The following ERBB4 variants were observed in gnomAD, a reference collection of about 807,000 sequenced individuals.
The protein encoded by ERBB4 is receptor tyrosine-protein kinase erbB-4.
Under a neutral mutation model 158.0 loss-of-function variants are expected in ERBB4, and 42 were observed. The observed-to-expected ratio is 0.27, with a 90% CI of 0.21 to 0.34. ERBB4 has a LOEUF of 0.34. Among genes scored for constraint, ERBB4 ranks in the 10% least tolerant of loss-of-function variants. The probability of loss-of-function intolerance (pLI) is 1.00; values close to 1 mark genes in which losing one functional copy is unlikely to be tolerated. For missense variants in ERBB4, 1,333 were observed against 1,624.1 expected, an observed-to-expected ratio of 0.82 and a Z score of 3.08; for synonymous variants, 583 against 558.7, an observed-to-expected ratio of 1.04 and a Z score of -0.61.
rs565444038 is a variant in ERBB4 at position 212,264,023 on chromosome 2, A to G, written c.83-139120T>C. On this transcript the variant is annotated intron_variant, in intron 1 of 27. Coordinates refer to ENST00000342788, the MANE Select transcript of ERBB4 (RefSeq NM_005235.3). ...GTGTACAACTTTTTCTTTGCTTACT[A>G]TGCCTGGAATAGTGCTGGAAATCTC... Among the ~76,000 whole-genome samples, 15 of 152,200 alleles carry G rather than the reference A, an allele frequency of 9.9e-5. No individual in the cohort carries two copies. In the South Asian group the frequency reaches 2.9e-3, roughly 29 times the overall value.
At chr2:211,826,716 T>C (rs1252063395) in intron 3 of ERBB4, among the ~76,000 whole-genome samples, 2 of 151,994 alleles carry the variant, frequency 1.3e-5, no homozygotes, top group Non-Finnish European at 2.9e-5. Context: ...GGTACTACCC[T>C]GATAGCCACA....
At position 211,857,159 on chromosome 2, in the gene ERBB4, T is replaced by G. The variant is rs73989210; in HGVS notation, c.422-69000A>C. 5.7e-3 allele frequency among the ~76,000 whole-genome samples: 615 copies of G among 107,112 alleles called. 4 individuals carry two copies. Among genetic ancestry groups the G allele is most frequent in the African/African-American group, 0.018 (583 of 32,292 alleles). The allele number at this position is 107,112 out of a possible 152,430, so 70.3% of individuals were successfully genotyped here. A position where few individuals can be genotyped will look rare whatever the true frequency, so the allele number is the denominator to read the frequency against. ...ACTCTGTGTATATCTCTGTGTGTGTTTGTGTGTGTGTGTGTGTTTGTGTGT... is the reference window on the plus strand; with the variant it reads ...ACTCTGTGTATATCTCTGTGTGTGTGTGTGTGTGTGTGTGTGTTTGTGTGT... On this transcript the variant is annotated intron_variant, in intron 3 of 27. Transcript: ENST00000342788.
rs751669855 is a variant in ERBB4, at chr2:211,725,161, C to A, written c.656G>T (p.Gly219Val). Residue 219 changes from glycine (G) to valine (V), a missense_variant, in exon 6 of 28, where the codon GGC becomes GTC. Coordinates refer to ENST00000342788, the MANE Select transcript of ERBB4 (RefSeq NM_005235.3). The stretch of plus-strand genomic sequence containing the variant: ...ACTGACGTAAGGTCCGTAGCATCTG[C>A]CGTCACATTGTTCTGCACACACCGT... ...TRTVCAEQCD[G>V]RCYGPYVSDC... 1 of 1,613,938 alleles carries A rather than the reference C, an allele frequency of 6.2e-7. No individual in the cohort carries two copies. Among genetic ancestry groups the A allele is most frequent in the South Asian group, 1.1e-5 (1 of 91,058 alleles).
chr2:212,537,854 G>C (rs1308413404), intron 1 of ERBB4, among the ~76,000 whole-genome samples: 1 of 151,916 alleles, frequency 6.6e-6, no homozygotes, highest in Non-Finnish European at 1.5e-5. Flanking sequence ...TCCGGGCCCC[G>C]GACCGAGGCG....
chr2:211,387,217 T>C (rs939321118), intron 26 of ERBB4, 67 bp from the exon 27 acceptor site: 1 of 1,231,524 alleles, frequency 8.1e-7, no homozygotes, highest in South Asian at 1.2e-5. Flanking sequence ...TGAATGTTAA[T>C]AGCCACAAGG....
intron 1 of ERBB4, among the ~76,000 whole-genome samples, chr2:212,527,391 C>G (rs1692506931): frequency 2.0e-5 from 3 of 152,026 alleles, no homozygotes; most frequent in Admixed American, 2.0e-4. Context: ...TAATAATTTT[C>G]TTCCAGAGCA....
At chr2:212,524,330 C>A (rs1462364930) in intron 1 of ERBB4, among the ~76,000 whole-genome samples, 3 of 151,914 alleles carry the variant, frequency 2.0e-5, no homozygotes, top group Non-Finnish European at 4.4e-5. Context: ...TAGTGACCTC[C>A]AGGGATAGTC....
At chr2:211,478,973 C>T (rs2065021991) in intron 20 of ERBB4, among the ~76,000 whole-genome samples, 1 of 152,162 alleles carries the variant, frequency 6.6e-6, no homozygotes. Flanking sequence ...TCACTTTTTA[C>T]TTATCCTTCA....
intron 1 of ERBB4, among the ~76,000 whole-genome samples, chr2:212,210,543 A>G (rs1039688673): frequency 2.6e-5 from 4 of 152,116 alleles, no homozygotes; most frequent in African/African-American, 7.2e-5. Context: ...ATATCCATCA[A>G]TCAGAGAAAT....
rs1321184118 is a variant in ERBB4 at position 211,524,896 on chromosome 2, A to G, written c.2487+37007T>C. The stretch of plus-strand genomic sequence containing the variant: ...GAGCCCAGGCAGAGGAGGCGCTGAG[A>G]GCGAGCGAGGGCTGTAAGGACTGCC... On this transcript the variant is annotated intron_variant, in intron 20 of 27. Coordinates refer to ENST00000342788, the MANE Select transcript of ERBB4 (RefSeq NM_005235.3). Among the ~76,000 whole-genome samples, 18 of 152,278 alleles carry G rather than the reference A, an allele frequency of 1.2e-4. No individual in the cohort carries two copies. The East Asian group carries it at 3.5e-3, about 30-fold the overall frequency.
chr2:212,143,139 A>G (rs2080542073), intron 1 of ERBB4, among the ~76,000 whole-genome samples: 1 of 152,156 alleles, frequency 6.6e-6, no homozygotes, highest in South Asian at 2.1e-4. Flanking sequence ...AACTTTAAAA[A>G]TATCTCATTG....
At chr2:212,313,183 CAT>C (rs1204714653) in intron 1 of ERBB4, among the ~76,000 whole-genome samples, 3 of 150,670 alleles carry the variant, frequency 2.0e-5, no homozygotes, top group African/African-American at 7.3e-5. Context: ...CAGTCTATAA[CAT>C]ATTTTTGTTA....
At chr2:211,691,083 T>C (rs1184933220) in intron 12 of ERBB4, among the ~76,000 whole-genome samples, 2 of 152,182 alleles carry the variant, frequency 1.3e-5, no homozygotes, top group Non-Finnish European at 2.9e-5. Context: ...ACAGATTATT[T>C]CAAAAATATT....
rs557865891 is a variant in ERBB4, at chr2:212,006,702, G to T, written c.235-59086C>A. On this transcript the variant is annotated intron_variant, in intron 2 of 27. Transcript: ENST00000342788. ...ATCAATATACCAGGTTTCAGATCAT[G>T]ATAAGTATACCAAATTTCTATAGAT... Among the ~76,000 whole-genome samples, 11 of 152,074 alleles carry T rather than the reference G, an allele frequency of 7.2e-5. 1 individual carries two copies. The South Asian group carries it at 2.3e-3, about 32-fold the overall frequency.
intron 8 of ERBB4, 148 bp from the exon 9 acceptor site, chr2:211,712,324 T>A: frequency 1.3e-6 from 1 of 788,636 alleles, no homozygotes; most frequent in Non-Finnish European, 2.0e-6. Context: ...GTAAAATAAT[T>A]ATTCATTCGT....
chr2:211,675,792 T>TTTTATATATATA (rs1553607852), intron 13 of ERBB4, among the ~76,000 whole-genome samples: 5 of 93,590 alleles, frequency 5.3e-5, no homozygotes, highest in African/African-American at 1.6e-4. Flanking sequence ...AAATATAATA[T>TTTTATATATATA]TATATATATA....
At chr2:212,441,340 C>T (rs374892893) in intron 1 of ERBB4, among the ~76,000 whole-genome samples, 44 of 152,268 alleles carry the variant, frequency 2.9e-4, no homozygotes, top group South Asian at 8.3e-4. Context: ...TCCTGCTCTG[C>T]GGGAGGCAAT....
intron 1 of ERBB4, among the ~76,000 whole-genome samples, chr2:212,477,231 CAAAGATT>C (rs1274604955): frequency 6.6e-6 from 1 of 152,050 alleles, no homozygotes; most frequent in Non-Finnish European, 1.5e-5. Context: ...AGGCAAAACT[CAAAGATT>C]AAAGAGTGTC....
intron 20 of ERBB4, among the ~76,000 whole-genome samples, chr2:211,524,349 C>T (rs1178185872): frequency 6.6e-6 from 1 of 152,144 alleles, no homozygotes; most frequent in Admixed American, 6.5e-5. Flanking sequence ...GCAGGTGGAG[C>T]TGCCTGCCAG....
Sources: gnomAD v4.1 joint callset for allele counts (sites outside exome capture counted in the v4.1 genomes callset) on GRCh38, gnomAD v4.1.1 for gene constraint, MANE v1.5 for transcripts, NCBI Gene and HGNC (gene_info 2026-07-23, HGNC 2026-07-21) for gene names.